Variants in SOX5 observed in about 807,000 individuals in gnomAD.
SOX5 encodes SRY-box transcription factor 5.
Under a neutral mutation model 92.0 loss-of-function variants are expected in SOX5, and 9 were observed. The ratio of observed to expected loss-of-function variants is 0.10; its 90% CI spans 0.06 to 0.17. The LOEUF (loss-of-function observed/expected upper bound fraction) is 0.17. SOX5 is among the 10% of genes least tolerant of loss of function. The pLI is 1.00. For synonymous variants in SOX5, 344 were observed against 336.3 expected (o/e 1.02, Z -0.25); for missense variants, 642 against 944.5 (o/e 0.68, Z 4.20).
intron 1 of SOX5, among the ~76,000 whole-genome samples, chr12:23,948,976 A>G (rs1167564966): frequency 6.6e-6 from 1 of 152,102 alleles, no homozygotes; most frequent in Admixed American, 6.6e-5. Flanking sequence ...TTTCGCCCCT[A>G]TTTTTGACAC....
chr12:23,675,169 T>C (rs2085461940), intron 6 of SOX5, among the ~76,000 whole-genome samples: 1 of 152,234 alleles, frequency 6.6e-6, no homozygotes, highest in Non-Finnish European at 1.5e-5. Flanking sequence ...CGTTGACTTG[T>C]TTCTTGCTGA....
At chr12:24,024,398 C>T (rs1362373597) in intron 4 of SOX5, among the ~76,000 whole-genome samples, 7 of 151,980 alleles carry the variant, frequency 4.6e-5, no homozygotes, top group Admixed American at 6.6e-5. Flanking sequence ...TTTCCATCTA[C>T]ATTGCACTGT....
At chr12:23,875,675 G>C (rs917337218) in intron 2 of SOX5, among the ~76,000 whole-genome samples, 1 of 152,136 alleles carries the variant, frequency 6.6e-6, no homozygotes, top group Non-Finnish European at 1.5e-5. Flanking sequence ...ACTTTAAAGA[G>C]AACCAGAGAT....
At chr12:24,305,052 T>C (rs1012186837) in intron 2 of SOX5, among the ~76,000 whole-genome samples, 3 of 152,288 alleles carry the variant, frequency 2.0e-5, no homozygotes, top group Admixed American at 2.0e-4. Flanking sequence ...AGGGAAGAGT[T>C]CCGAAGACCC....
chr12:23,845,793 A>C (rs1327360785), intron 3 of SOX5, among the ~76,000 whole-genome samples, 190 bp downstream of exon 3: 2 of 152,216 alleles, frequency 1.3e-5, no homozygotes, highest in African/African-American at 2.4e-5. Flanking sequence ...TAAATTAATG[A>C]TTTAAAAAAT....
chr12:23,626,224 G>A (rs185643901), intron 8 of SOX5, among the ~76,000 whole-genome samples: 181 of 152,192 alleles, frequency 1.2e-3, no homozygotes, highest in African/African-American at 4.2e-3. Context: ...AGTATATGGT[G>A]TCCATCTAGT....
chr12:23,609,968 C>G lies in SOX5; in HGVS notation c.1018-5435G>C, dbSNP rs371589359. ...AGTTCATTAACAGGCATTCTTTCTG[C>G]TCATCTCTAATGGCCCACTATGGGG... On this transcript the variant is annotated intron_variant, in intron 8 of 14. Transcript: ENST00000451604. Among the ~76,000 whole-genome samples, 102 of 152,234 alleles carry G rather than the reference C, an allele frequency of 6.7e-4. 1 individual carries two copies. In the South Asian group the frequency reaches 0.021, roughly 31 times the overall value.
intron 3 of SOX5, among the ~76,000 whole-genome samples, chr12:23,824,031 G>A (rs1161177516): frequency 6.6e-6 from 1 of 152,054 alleles, no homozygotes; most frequent in Non-Finnish European, 1.5e-5. Context: ...TTTTTTCAAT[G>A]TTCTTAGTTT....
intron 10 of SOX5, among the ~76,000 whole-genome samples, chr12:23,571,786 G>A (rs114390539): frequency 0.01 from 1,525 of 152,126 alleles, 24 homozygotes; most frequent in African/African-American, 0.034. Context: ...AAATCCCTAG[G>A]TAGACACACA....
At chr12:24,045,435 C>T (rs1366245636) in intron 4 of SOX5, among the ~76,000 whole-genome samples, 1 of 152,078 alleles carries the variant, frequency 6.6e-6, no homozygotes, top group African/African-American at 2.4e-5. Flanking sequence ...GTAGCTGGGA[C>T]TACAGGTGTG....
chr12:23,654,673 C>G (rs1566745166), intron 7 of SOX5, among the ~76,000 whole-genome samples: 1 of 151,956 alleles, frequency 6.6e-6, no homozygotes, highest in Non-Finnish European at 1.5e-5. Flanking sequence ...TTGCTATACA[C>G]AAGTAAAGGT....
At chr12:23,715,668 G>A (rs1360299771) in intron 6 of SOX5, among the ~76,000 whole-genome samples, 3 of 152,034 alleles carry the variant, frequency 2.0e-5, no homozygotes, top group South Asian at 2.1e-4. Flanking sequence ...GAGGCAAGAC[G>A]CCAGTTGTGG....
chr12:24,390,242 A>G (rs1238743323), intron 1 of SOX5, among the ~76,000 whole-genome samples: 3 of 152,148 alleles, frequency 2.0e-5, no homozygotes, highest in Non-Finnish European at 4.4e-5. Context: ...ATTGACCAGG[A>G]TACATTTTAC....
At chr12:24,205,406 C>T (rs1957924484) in intron 4 of SOX5, among the ~76,000 whole-genome samples, 1 of 152,110 alleles carries the variant, frequency 6.6e-6, no homozygotes. Flanking sequence ...CTCATTACAT[C>T]CTCAAAACAA....
intron 2 of SOX5, among the ~76,000 whole-genome samples, chr12:23,886,319 A>C (rs1485850556): frequency 6.6e-6 from 1 of 152,202 alleles, no homozygotes; most frequent in Non-Finnish European, 1.5e-5. Context: ...CTTAAGATCC[A>C]AATGAAGTGT....
At chr12:24,377,528 T>C (rs1022884934) in intron 1 of SOX5, among the ~76,000 whole-genome samples, 9 of 152,190 alleles carry the variant, frequency 5.9e-5, no homozygotes, top group African/African-American at 2.2e-4. Context: ...AGACGCAAAG[T>C]TGAAATTGGA....
At chr12:23,969,796 G>A (rs977687497) in intron 4 of SOX5, among the ~76,000 whole-genome samples, 4 of 152,300 alleles carry the variant, frequency 2.6e-5, no homozygotes, top group African/African-American at 9.6e-5. Flanking sequence ...GAACAATATT[G>A]AGCCAGATCA....
At chr12:23,785,880 G>T (rs1322568722) in intron 3 of SOX5, among the ~76,000 whole-genome samples, 7 of 151,848 alleles carry the variant, frequency 4.6e-5, no homozygotes, top group African/African-American at 1.4e-4. Context: ...AGTTTTTTTA[G>T]ATTTTTTTCA....
intron 2 of SOX5, among the ~76,000 whole-genome samples, chr12:23,881,128 C>A (rs1389939099): frequency 6.6e-6 from 1 of 152,116 alleles, no homozygotes; most frequent in Non-Finnish European, 1.5e-5. Context: ...ATGAAGAGGT[C>A]ACCACTGTTT....
Sources: gnomAD v4.1 joint callset for allele counts (sites outside exome capture counted in the v4.1 genomes callset) on GRCh38, gnomAD v4.1.1 for gene constraint, MANE v1.5 for transcripts, NCBI Gene and HGNC (gene_info 2026-07-23, HGNC 2026-07-21) for gene names.